SRRM3: variants seen among roughly 807,000 people sequenced by gnomAD.
SRRM3 encodes the protein serine/arginine repetitive matrix 3, also known as serine/arginine repetitive matrix protein 3.
SRRM3 carries 27 observed loss-of-function variants against 66.2 expected under a neutral mutation model. The observed-to-expected ratio is 0.41, with a 90% CI of 0.30 to 0.56. The LOEUF (loss-of-function observed/expected upper bound fraction) is 0.56, where lower values mean the gene tolerates loss of function less well. Among genes scored for constraint, SRRM3 ranks in the 20% least tolerant of loss-of-function variants. The pLI, the probability that SRRM3 is intolerant of heterozygous loss-of-function variation, is 0.32. For synonymous variants in SRRM3, 391 were observed against 414.9 expected, an observed-to-expected ratio of 0.94 and a Z score of 0.70; for missense variants, 918 against 991.9, an observed-to-expected ratio of 0.93 and a Z score of 1.00.
intron 2 of SRRM3, among the ~76,000 whole-genome samples, chr7:76,247,947 G>A (rs1244008927): frequency 1.3e-5 from 2 of 152,184 alleles, no homozygotes; most frequent in South Asian, 2.1e-4. Context: ...TGCCTGCCTC[G>A]GACACCCAAA....
At chr7:76,283,304 T>G (rs1263347599) in intron 14 of SRRM3, among the ~76,000 whole-genome samples, 1 of 146,876 alleles carries the variant, frequency 6.8e-6, no homozygotes, top group Non-Finnish European at 1.5e-5. Flanking sequence ...GGTGCTGGGG[T>G]CTATCAGAGA....
chr7:76,237,932 A>C (rs77191116), intron 2 of SRRM3, among the ~76,000 whole-genome samples: 100 of 152,122 alleles, frequency 6.6e-4, no homozygotes, highest in African/African-American at 2.3e-3. Context: ...GACCCCCAGC[A>C]TCAAGGATCC....
chr7:76,204,801 A>G (rs1800254560), intron 1 of SRRM3, among the ~76,000 whole-genome samples: 1 of 152,204 alleles, frequency 6.6e-6, no homozygotes, highest in African/African-American at 2.4e-5. Context: ...TGCCAGGTGC[A>G]GTGGCTCACA....
intron 3 of SRRM3, 113 bp from the exon 4 acceptor site, chr7:76,259,793 C>T (rs1274248221): frequency 6.5e-7 from 1 of 1,536,946 alleles, no homozygotes; most frequent in Non-Finnish European, 8.8e-7. Flanking sequence ...GCCCCTCCCC[C>T]AGCCGGGTAG....
chr7:76,257,323 G>A (rs1801736412), intron 3 of SRRM3, among the ~76,000 whole-genome samples: 1 of 151,878 alleles, frequency 6.6e-6, no homozygotes, highest in South Asian at 2.1e-4. Flanking sequence ...TGAAACCAGG[G>A]CTAAGCCTCC....
At chr7:76,260,222 G>C in intron 5 of SRRM3, 25 bp downstream of exon 5, 3 of 1,511,964 alleles carry the variant, frequency 2.0e-6, no homozygotes, top group Non-Finnish European at 2.7e-6. Flanking sequence ...TGACCGGAGC[G>C]GGAAGGGAGG....
Position 76,228,969 on chromosome 7 carries a change from G to A in SRRM3, c.-39-6059G>A, listed in dbSNP as rs192214792. Among the ~76,000 whole-genome samples, 234 of 148,340 alleles carry A rather than the reference G, an allele frequency of 1.6e-3. 1 individual carries two copies. Among genetic ancestry groups the A allele is most frequent in the Admixed American group, 2.9e-3 (43 of 14,656 alleles). Reference sequence around the variant, plus strand: ...GCTGGAGTGCAGTGGCATGATCTCTGCTCACTGCAAGCTCTGCCCCCTGGG... The same window carrying A: ...GCTGGAGTGCAGTGGCATGATCTCTACTCACTGCAAGCTCTGCCCCCTGGG... On this transcript the variant is annotated intron_variant, in intron 1 of 14. Transcript: ENST00000611745.
Position 76,235,008 on chromosome 7 carries a change from T to C in SRRM3, c.-39-20T>C. The C allele has an allele frequency of 2.9e-6, 4 of 1,400,704 alleles. No homozygotes were observed. The highest frequency in any genetic ancestry group is 3.8e-6 in the Non-Finnish European group (4 of 1,047,438). 86.8% of individuals were successfully genotyped at this position (1,400,704 alleles called of 1,614,324 possible). A position where few individuals can be genotyped will look rare whatever the true frequency, so the allele number is the denominator to read the frequency against. On this transcript the variant is annotated intron_variant, in intron 1 of 14. Coordinates refer to ENST00000611745, the MANE Select transcript of SRRM3 (RefSeq NM_001110199.3). ...GCGAAGAAGTGACCATCCCGCCTCG[T>C]GTCTGTGTCTGTCCCTCAGGGCCAG... is the stretch of plus-strand genomic sequence containing the variant.
chr7:76,281,900 G>A, intron 12 of SRRM3, 98 bp downstream of exon 12: 1 of 973,084 alleles, frequency 1.0e-6, no homozygotes, highest in Non-Finnish European at 1.2e-6. Context: ...TCCCCGCGCT[G>A]AGCTACCCTC....
rs375577250 is a variant in SRRM3, at chr7:76,286,102, G to A, written c.*259G>A. On this transcript the variant is annotated 3_prime_UTR_variant, in exon 15 of 15. Transcript: ENST00000611745. ...CACTGTGCCCGGGGAACAAAGAGCC[G>A]TTACGAACACAGGAATCTCCCCATC... 8.9e-5 allele frequency: 50 copies of A among 561,254 alleles called. No homozygotes were observed. Among genetic ancestry groups the A allele is most frequent in the African/African-American group, 7.0e-4 (37 of 52,908 alleles). 34.8% of individuals were successfully genotyped at this position (561,254 alleles called of 1,614,324 possible). A position where few individuals can be genotyped will look rare whatever the true frequency, so the allele number is the denominator to read the frequency against.
chr7:76,204,680 A>G (rs1038891169), intron 1 of SRRM3, among the ~76,000 whole-genome samples: 2 of 152,198 alleles, frequency 1.3e-5, no homozygotes, highest in African/African-American at 2.4e-5. Flanking sequence ...CATGAGTCCA[A>G]GGACCTTCTT....
chr7:76,205,050 C>T (rs537977266), intron 1 of SRRM3, among the ~76,000 whole-genome samples: 13 of 152,152 alleles, frequency 8.5e-5, no homozygotes, highest in Admixed American at 2.6e-4. Flanking sequence ...ATCTCTGATC[C>T]GCTCCCCTCC....
intron 1 of SRRM3, 29 bp from the exon 2 acceptor site, chr7:76,234,999 C>T (rs1801105027): frequency 6.7e-6 from 9 of 1,345,916 alleles, no homozygotes; most frequent in Non-Finnish European, 8.0e-6. Flanking sequence ...AAGTGACCAT[C>T]CCGCCTCGTG....
At chr7:76,265,557 G>A (rs2117070812) in intron 10 of SRRM3, 89 bp downstream of exon 10, 1 of 1,027,672 alleles carries the variant, frequency 9.7e-7, no homozygotes. Context: ...CAGGGCTGGT[G>A]GACAGAATGT....
intron 1 of SRRM3, among the ~76,000 whole-genome samples, chr7:76,231,201 T>G (rs1456851467): frequency 6.6e-6 from 1 of 152,206 alleles, no homozygotes; most frequent in East Asian, 1.9e-4. Context: ...ATTCTATTAA[T>G]GACCTGCTGC....
At chr7:76,236,005 C>CAAAAAAAAAAAAAAAAAAA in intron 2 of SRRM3, among the ~76,000 whole-genome samples, 1 of 20,274 alleles carries the variant, frequency 4.9e-5, no homozygotes, top group Non-Finnish European at 9.6e-5. Flanking sequence ...GATTCTGTCT[C>CAAAAAAAAAAAAAAAAAAA]AAAAAAAAAA....
At chr7:76,259,827 G>A in intron 3 of SRRM3, 79 bp from the exon 4 acceptor site, 3 of 1,581,764 alleles carry the variant, frequency 1.9e-6, no homozygotes, top group Non-Finnish European at 2.6e-6. Flanking sequence ...TGCGGGGCTA[G>A]GTCAGGCCCC....
intron 11 of SRRM3, among the ~76,000 whole-genome samples, chr7:76,275,971 TG>T (rs1230160197): frequency 6.6e-6 from 1 of 151,964 alleles, no homozygotes; most frequent in Non-Finnish European, 1.5e-5. Flanking sequence ...ACCCAGCTAC[TG>T]AGGAGGCTGA....
At chr7:76,229,677 G>T (rs967970790) in intron 1 of SRRM3, among the ~76,000 whole-genome samples, 1 of 150,566 alleles carries the variant, frequency 6.6e-6, no homozygotes, top group Admixed American at 6.6e-5. Flanking sequence ...TCCAATTTTA[G>T]TTTGGGACCC....
Sources: allele counts gnomAD v4.1 joint callset (sites outside exome capture counted in the v4.1 genomes callset), GRCh38; gene constraint gnomAD v4.1.1; transcripts MANE v1.5; gene names NCBI Gene and HGNC (gene_info 2026-07-23, HGNC 2026-07-21).